Variants in HEATR4 observed in about 807,000 individuals in gnomAD.
HEATR4 encodes HEAT repeat-containing protein 4.
A neutral mutation model predicts 108.8 loss-of-function variants in HEATR4; 95 were observed. That is an observed-to-expected ratio of 0.87 (90% confidence interval 0.74 to 1.04). HEATR4 has a LOEUF of 1.04. Among genes scored for constraint, HEATR4 ranks in the 50% least tolerant of loss-of-function variants. The pLI is 0.00. For missense variants in HEATR4, 1,152 were observed against 1,253.8 expected (o/e 0.92, Z 1.23); for synonymous variants, 443 against 459.4 (o/e 0.96, Z 0.46).
the HEATR4 span, chr14:73,569,971 C>A: frequency 7.2e-7 from 1 of 1,395,386 alleles, no homozygotes. Flanking sequence ...TATGTGTATG[C>A]CCCCCCGCCG....
chr14:73,626,820 CAG>C, the HEATR4 span, among the ~76,000 whole-genome samples: 1 of 83,446 alleles, frequency 1.2e-5, no homozygotes, highest in Non-Finnish European at 2.1e-5. Context: ...TTTTTTGAGA[CAG>C]AGTTTTGCTA....
At chr14:73,592,255 A>G in the HEATR4 span, 1 of 1,613,286 alleles carries the variant, frequency 6.2e-7, no homozygotes, top group East Asian at 2.2e-5. Flanking sequence ...CGGGACGTAC[A>G]GATTCCTTTT....
chr14:73,514,924 C>T (rs1363628331), intron 5 of HEATR4, among the ~76,000 whole-genome samples: 4 of 151,900 alleles, frequency 2.6e-5, no homozygotes, highest in African/African-American at 9.7e-5. Flanking sequence ...AAAAATTGGC[C>T]GGGCATGGTG....
intron 8 of HEATR4, among the ~76,000 whole-genome samples, chr14:73,508,787 G>C (rs1887015360): frequency 6.7e-6 from 1 of 148,306 alleles, no homozygotes; most frequent in Non-Finnish European, 1.5e-5. Context: ...ATTTAGTCCA[G>C]CTACCACTTG....
In HEATR4 at chr14:73,547,752, G is replaced by T. The variant is rs1468701399; in HGVS notation, c.-152+10999C>A. Among the ~76,000 whole-genome samples the T allele has an allele frequency of 1.8e-4, 21 of 113,758 alleles. 6 individuals carry two copies. Among genetic ancestry groups the T allele is most frequent in the African/African-American group, 6.0e-4 (21 of 34,990 alleles). 74.6% of individuals were successfully genotyped at this position (113,758 alleles called of 152,430 possible). ...AATATAAAAATTTGCCAGGGGTGGT[G>T]GTGTGCACCTGTACTCCCAACTACT... On this transcript the variant is annotated intron_variant, in intron 1 of 17. Transcript: ENST00000553558.
At chr14:73,566,461 G>T in the HEATR4 span, among the ~76,000 whole-genome samples, 195 of 152,274 alleles carry the variant, frequency 1.3e-3, no homozygotes, top group African/African-American at 4.3e-3. Context: ...GAGGGCTGCA[G>T]GTCCTAAGCC....
At chr14:73,595,665 T>G in the HEATR4 span, 1 of 1,513,400 alleles carries the variant, frequency 6.6e-7, no homozygotes, top group Non-Finnish European at 8.8e-7. Context: ...TGCATTTGTC[T>G]GTTGTTGACA....
At chr14:73,498,432 C>A in intron 13 of HEATR4, 88 bp from the exon 14 acceptor site, 2 of 1,189,324 alleles carry the variant, frequency 1.7e-6, no homozygotes, top group Non-Finnish European at 2.3e-6. Flanking sequence ...GCAAACAATA[C>A]CTTCCCTTTT....
the HEATR4 span, among the ~76,000 whole-genome samples, chr14:73,583,420 A>G: frequency 1.3e-5 from 2 of 151,836 alleles, no homozygotes; most frequent in African/African-American, 4.8e-5. Flanking sequence ...CCAATCAATA[A>G]GCCCAATTTT....
chr14:73,513,582 C>T (rs529600415), intron 6 of HEATR4, among the ~76,000 whole-genome samples: 1 of 151,850 alleles, frequency 6.6e-6, no homozygotes, highest in East Asian at 1.9e-4. Flanking sequence ...AAAAAGTTAA[C>T]CAAGTGTGGT....
the HEATR4 span, chr14:73,569,659 T>C: frequency 3.1e-6 from 5 of 1,606,932 alleles, no homozygotes; most frequent in South Asian, 3.3e-5. Context: ...CTTGAGCCCA[T>C]GGGGCTGCTC....
At chr14:73,496,098 C>A (rs1886091235) in intron 15 of HEATR4, among the ~76,000 whole-genome samples, 2 of 152,130 alleles carry the variant, frequency 1.3e-5, no homozygotes, top group African/African-American at 4.8e-5. Flanking sequence ...CCACTGCACT[C>A]CAGCCTGGGC....
the HEATR4 span, among the ~76,000 whole-genome samples, chr14:73,608,996 A>C: frequency 1.3e-5 from 2 of 152,258 alleles, no homozygotes; most frequent in African/African-American, 2.4e-5. Flanking sequence ...AACCACCCCC[A>C]TGATTCAATT....
chr14:73,592,151 C>T, the HEATR4 span: 39 of 1,594,464 alleles, frequency 2.4e-5, no homozygotes, highest in Admixed American at 2.8e-4. Context: ...ACCTGGAGCG[C>T]GCACCCGCGC....
rs1887316478 is a variant in HEATR4 at position 73,512,282 on chromosome 14, G to A, written c.1415-133C>T. 4.2e-6 allele frequency: 4 copies of A among 961,556 alleles called. No individual in the cohort carries two copies. The African/African-American group carries it at 6.6e-5, about 16-fold the overall frequency. 59.6% of individuals were successfully genotyped at this position (961,556 alleles called of 1,614,324 possible). A position where few individuals can be genotyped will look rare whatever the true frequency, so the allele number is the denominator to read the frequency against. On this transcript the variant is annotated intron_variant, in intron 6 of 17. Transcript: ENST00000553558. Reference sequence around the variant, plus strand: ...AAACATTAGCTCAGAAGAATAAAGGGCCCAGAGATGGGGTCTTTAGGGAGT... The same window carrying A: ...AAACATTAGCTCAGAAGAATAAAGGACCCAGAGATGGGGTCTTTAGGGAGT...
Position 73,530,794 on chromosome 14 carries a change from ATT to A in HEATR4, c.-151-552_-151-551del, listed in dbSNP as rs59208614. On this transcript the variant is annotated intron_variant, in intron 1 of 17. Transcript: ENST00000553558. Reference sequence around the variant, plus strand: ...CACATAGCACACCACTCTCGGTTAAATTTTTTTTTTTTTTTTTTTTTTTTTGT... The same window carrying A: ...CACATAGCACACCACTCTCGGTTAAATTTTTTTTTTTTTTTTTTTTTTTGT... Among the ~76,000 whole-genome samples, 46 of 57,690 alleles carry A rather than the reference ATT, an allele frequency of 8.0e-4. 1 individual carries two copies. Among genetic ancestry groups the A allele is most frequent in the Non-Finnish European group, 9.2e-4 (29 of 31,380 alleles). 37.8% of individuals were successfully genotyped at this position (57,690 alleles called of 152,430 possible). A position where few individuals can be genotyped will look rare whatever the true frequency, so the allele number is the denominator to read the frequency against.
At chr14:73,616,840 C>G in the HEATR4 span, 2 of 550,036 alleles carry the variant, frequency 3.6e-6, no homozygotes, top group Non-Finnish European at 6.4e-6. Context: ...GTTTTTTATC[C>G]CTCTATATTA....
At chr14:73,484,645 G>T (rs534505246) in intron 17 of HEATR4, among the ~76,000 whole-genome samples, 2 of 152,040 alleles carry the variant, frequency 1.3e-5, no homozygotes, top group African/African-American at 2.4e-5. Flanking sequence ...CTCCCAAAGT[G>T]CTGGGATTAC....
At chr14:73,576,586 T>C in the HEATR4 span, among the ~76,000 whole-genome samples, 32 of 151,750 alleles carry the variant, frequency 2.1e-4, no homozygotes, top group African/African-American at 7.7e-4. Context: ...GTGGATTGCT[T>C]GAGCTCAGGA....
Sources: allele counts gnomAD v4.1 joint callset (sites outside exome capture counted in the v4.1 genomes callset), GRCh38; gene constraint gnomAD v4.1.1; transcripts MANE v1.5; gene names NCBI Gene and HGNC (gene_info 2026-07-23, HGNC 2026-07-21).